The following NFU1 variants were observed in gnomAD, a reference collection of about 807,000 sequenced individuals.
NFU1 encodes NFU1 iron-sulfur cluster scaffold homolog, mitochondrial.
NFU1 carries 30 observed loss-of-function variants against 32.2 expected under a neutral mutation model. The observed-to-expected ratio is 0.93, with a 90% CI of 0.70 to 1.26. The LOEUF is 1.26. Ranked by LOEUF, NFU1 falls within the 50% of genes most tolerant of loss-of-function variation. The pLI is 0.00. For synonymous variants in NFU1, 112 were observed against 104.6 expected, an observed-to-expected ratio of 1.07 and a Z score of -0.43; for missense variants, 306 against 306.6, an observed-to-expected ratio of 1.00 and a Z score of 0.02.
intron 4 of NFU1, among the ~76,000 whole-genome samples, chr2:69,417,764 T>A (rs1673104828): frequency 6.6e-6 from 1 of 151,340 alleles, no homozygotes; most frequent in Non-Finnish European, 1.5e-5. Context: ...TAAGAAAAAA[T>A]TGTAGAGCTA....
At chr2:69,414,448 T>C (rs973724474) in intron 5 of NFU1, among the ~76,000 whole-genome samples, 2 of 151,680 alleles carry the variant, frequency 1.3e-5, no homozygotes, top group African/African-American at 4.8e-5. Flanking sequence ...TGAAACCCCA[T>C]CTCTACTAAA....
At chr2:69,416,503 CA>C (rs1286530541) in intron 4 of NFU1, among the ~76,000 whole-genome samples, 1 of 149,362 alleles carries the variant, frequency 6.7e-6, no homozygotes, top group East Asian at 1.9e-4. Flanking sequence ...AAGAGATTCC[CA>C]TTCTCTTAAA....
At chr2:69,408,359 T>C (rs933382416) in intron 5 of NFU1, among the ~76,000 whole-genome samples, 2 of 152,212 alleles carry the variant, frequency 1.3e-5, no homozygotes, top group African/African-American at 4.8e-5. Flanking sequence ...AGTTTCTTCA[T>C]TATTTCAGTT....
intron 2 of NFU1, among the ~76,000 whole-genome samples, chr2:69,431,678 GTTATACAACAT>G (rs1273410577): frequency 6.6e-6 from 1 of 152,100 alleles, no homozygotes; most frequent in Non-Finnish European, 1.5e-5. Flanking sequence ...CAGGGGATAT[GTTATACAACAT>G]ACTGAGATTT....
chr2:69,426,432 T>C (rs1673456911), intron 2 of NFU1, among the ~76,000 whole-genome samples: 1 of 151,918 alleles, frequency 6.6e-6, no homozygotes, highest in Non-Finnish European at 1.5e-5. Flanking sequence ...ATTACCAGCA[T>C]ATACCACCAA....
At chr2:69,408,769 T>G (rs867364248) in intron 5 of NFU1, among the ~76,000 whole-genome samples, 1 of 133,648 alleles carries the variant, frequency 7.5e-6, no homozygotes, top group Non-Finnish European at 1.6e-5. Context: ...TATATATATA[T>G]ACACACACAC....
chr2:69,407,010 T>A (rs1454484425), intron 5 of NFU1, among the ~76,000 whole-genome samples: 2 of 152,142 alleles, frequency 1.3e-5, no homozygotes, highest in African/African-American at 4.8e-5. Flanking sequence ...AAGACTCGCG[T>A]GTTTGCTTCC....
At chr2:69,407,674 C>CA (rs200321994) in intron 5 of NFU1, among the ~76,000 whole-genome samples, 1,619 of 103,018 alleles carry the variant, frequency 0.016, 33 homozygotes, top group African/African-American at 0.047. Flanking sequence ...GACTCTATCT[C>CA]AAAAAAAAAA....
intron 3 of NFU1, among the ~76,000 whole-genome samples, chr2:69,422,880 T>G (rs1330008901): frequency 2.0e-5 from 3 of 152,074 alleles, no homozygotes; most frequent in Non-Finnish European, 4.4e-5. Context: ...CACACTTGGC[T>G]AATTTTTGTA....
intron 6 of NFU1, 32 bp from the exon 7 acceptor site, chr2:69,400,570 C>T: frequency 6.3e-7 from 1 of 1,594,118 alleles, no homozygotes; most frequent in South Asian, 1.1e-5. Flanking sequence ...ATGACATATT[C>T]TTTAAAATAC....
chr2:69,426,330 A>G (rs538229526), intron 2 of NFU1, among the ~76,000 whole-genome samples: 1 of 151,976 alleles, frequency 6.6e-6, no homozygotes, highest in South Asian at 2.1e-4. Flanking sequence ...CTGTCGCCCA[A>G]GCTGGAGTGC....
intron 7 of NFU1, among the ~76,000 whole-genome samples, chr2:69,398,295 A>G (rs1672403209): frequency 6.6e-6 from 1 of 152,160 alleles, no homozygotes; most frequent in Admixed American, 6.6e-5. Context: ...CATAAAGCAA[A>G]AACAGAAGCT....
intron 1 of NFU1, 94 bp from the exon 2 acceptor site, chr2:69,432,099 A>C (rs1213972050): frequency 1.3e-6 from 1 of 769,446 alleles, no homozygotes; most frequent in Non-Finnish European, 2.2e-6. Context: ...ACCTATGTAA[A>C]ATTTAAACAT....
chr2:69,396,336 A>T, intron 7 of NFU1, 46 bp from the exon 8 acceptor site: 1 of 1,456,682 alleles, frequency 6.9e-7, no homozygotes, highest in Non-Finnish European at 9.6e-7. Context: ...GAAAATGATT[A>T]GATTTTGCTG....
upstream of NFU1, among the ~76,000 whole-genome samples, chr2:69,439,446 G>C (rs1673989492): frequency 6.6e-6 from 1 of 152,180 alleles, no homozygotes; most frequent in Non-Finnish European, 1.5e-5. Context: ...GCAGACCTTT[G>C]CGATGGGTGT....
intron 3 of NFU1, among the ~76,000 whole-genome samples, chr2:69,420,134 T>C (rs944005897): frequency 3.3e-5 from 5 of 152,038 alleles, no homozygotes; most frequent in Non-Finnish European, 5.9e-5. Context: ...GCCTCCCAAG[T>C]AGCTGGGATT....
chr2:69,437,209 G>T lies in NFU1; in HGVS notation c.62+152C>A, dbSNP rs1673873184. 6 of 1,455,116 alleles carry T rather than the reference G, an allele frequency of 4.1e-6. No individual in the cohort carries two copies. The South Asian group carries it at 7.1e-5, about 17-fold the overall frequency. 90.1% of individuals were successfully genotyped at this position (1,455,116 alleles called of 1,614,324 possible). A position where few individuals can be genotyped will look rare whatever the true frequency, so the allele number is the denominator to read the frequency against. On this transcript the variant is annotated intron_variant, in intron 1 of 7. Coordinates refer to ENST00000410022, the MANE Select transcript of NFU1 (RefSeq NM_001002755.4). ...CCGAGCTCCCGCACAGACAGCCTCA[G>T]GGCTCACCCCCAACTACGGCGACAG...
intron 6 of NFU1, among the ~76,000 whole-genome samples, chr2:69,402,955 A>G (rs991325014): frequency 2.7e-5 from 3 of 110,680 alleles, no homozygotes; most frequent in Non-Finnish European, 5.3e-5. Context: ...CAAATATTCT[A>G]TTTCTTTCCT....
At chr2:69,434,288 T>C (rs1462992921) in intron 1 of NFU1, among the ~76,000 whole-genome samples, 1 of 151,980 alleles carries the variant, frequency 6.6e-6, no homozygotes, top group Non-Finnish European at 1.5e-5. Flanking sequence ...GGATTATAGA[T>C]GCCCACCACC....
Sources: gnomAD v4.1 joint callset for allele counts (sites outside exome capture counted in the v4.1 genomes callset) on GRCh38, gnomAD v4.1.1 for gene constraint, MANE v1.5 for transcripts, NCBI Gene and HGNC (gene_info 2026-07-23, HGNC 2026-07-21) for gene names.